Variants in C1orf115 observed in about 807,000 individuals in gnomAD.
C1orf115 encodes the protein required for drug-induced death protein 1.
C1orf115 carries 14 observed loss-of-function variants against 12.5 expected under a neutral mutation model. The observed-to-expected ratio is 1.12, with a 90% CI of 0.74 to 1.75. The LOEUF is 1.75. Ranked by LOEUF, C1orf115 falls within the 40% of genes most tolerant of loss-of-function variation. The probability of loss-of-function intolerance (pLI) is 0.00; values close to 1 mark genes in which losing one functional copy is unlikely to be tolerated. For synonymous variants in C1orf115, 109 were observed against 104.6 expected (o/e 1.04, Z -0.26); for missense variants, 237 against 220.8 (o/e 1.07, Z -0.46).
rs981527837 is a variant in C1orf115, at chr1:220,698,868, C to A, written c.*2137C>A. The A allele has an allele frequency of 6.6e-6, 1 of 152,122 alleles. No homozygotes were observed. The highest frequency in any genetic ancestry group is 1.5e-5 in the Non-Finnish European group (1 of 68,038). 9.4% of individuals were successfully genotyped at this position (152,122 alleles called of 1,614,324 possible). On this transcript the variant is annotated 3_prime_UTR_variant, in exon 2 of 2. Coordinates refer to ENST00000294889, the MANE Select transcript of C1orf115 (RefSeq NM_024709.5). The stretch of plus-strand genomic sequence containing the variant: ...GGGGTTGTCCTGGGAGTCAGGTTCA[C>A]GGGTACAGAAGATGAATCTCAGATG...
Position 220,690,539 on chromosome 1 carries a change from A to C in C1orf115, c.137A>C (p.Glu46Ala), listed in dbSNP as rs1670082105. 9.7e-6 allele frequency: 14 copies of C among 1,447,650 alleles called. No individual in the cohort carries two copies. The highest frequency in any genetic ancestry group is 3.0e-5 in the Admixed American group (1 of 33,236). 89.7% of individuals were successfully genotyped at this position (1,447,650 alleles called of 1,614,324 possible). A position where few individuals can be genotyped will look rare whatever the true frequency, so the allele number is the denominator to read the frequency against. ...LEHLEYADEA[E>A]AAAESGTSAA... is the part of the protein sequence containing the mutation. Reference sequence around the variant, plus strand: ...CACCTGGAGTACGCGGACGAGGCGGAGGCGGCGGCCGAGAGCGGGACGAGC... The same window carrying C: ...CACCTGGAGTACGCGGACGAGGCGGCGGCGGCGGCCGAGAGCGGGACGAGC... The change falls in exon 1 of 2, where the codon GAG (glutamate) becomes GCG (alanine). Residue 46 changes from glutamate (E) to alanine (A), a missense_variant. Coordinates refer to ENST00000294889, the MANE Select transcript of C1orf115 (RefSeq NM_024709.5).
Position 220,690,570 on chromosome 1 carries a change from G to A in C1orf115, c.168G>A (p.Ala56=), listed in dbSNP as rs750453432. Residue 56 remains alanine (A), a synonymous_variant, in exon 1 of 2, where the codon GCG becomes GCA. Coordinates refer to ENST00000294889, the MANE Select transcript of C1orf115 (RefSeq NM_024709.5). The part of the protein sequence containing the change: ...EAAAESGTSA[A]DERGPGTRGA... ...CGGCCGAGAGCGGGACGAGCGCGGC[G>A]GACGAGCGGGGCCCGGGGACCCGGG... 14 of 1,487,666 alleles carry A rather than the reference G, an allele frequency of 9.4e-6. No individual in the cohort carries two copies. Among genetic ancestry groups the A allele is most frequent in the Non-Finnish European group, 1.2e-5 (14 of 1,123,070 alleles). 92.2% of individuals were successfully genotyped at this position (1,487,666 alleles called of 1,614,324 possible). A position where few individuals can be genotyped will look rare whatever the true frequency, so the allele number is the denominator to read the frequency against.
intron 1 of C1orf115, among the ~76,000 whole-genome samples, chr1:220,691,249 A>G (rs1001941727): frequency 5.9e-5 from 9 of 152,104 alleles, no homozygotes; most frequent in Non-Finnish European, 8.8e-5. Flanking sequence ...TTTCTCGTCT[A>G]GCCAACTATC....
At position 220,690,371 on chromosome 1, in the gene C1orf115, G is replaced by T. The variant is rs1204667252; in HGVS notation, c.-32G>T. The T allele has an allele frequency of 2.0e-5, 27 of 1,376,404 alleles. No homozygotes were observed. The highest frequency in any genetic ancestry group is 2.3e-5 in the Non-Finnish European group (25 of 1,071,972). The allele number at this position is 1,376,404 out of a possible 1,614,324, so 85.3% of individuals were successfully genotyped here. ...GGGGACCAAAGGTTGGTGTCTTTGC[G>T]CTCGGACCTTCGCCAGAGGGGCCGG... On this transcript the variant is annotated 5_prime_UTR_variant, in exon 1 of 2. Transcript: ENST00000294889.
At chr1:220,694,833 A>G (rs759201970) in intron 1 of C1orf115, among the ~76,000 whole-genome samples, 16 of 152,190 alleles carry the variant, frequency 1.1e-4, no homozygotes, top group Admixed American at 3.9e-4. Context: ...AGACCATCTA[A>G]GGAGAGACTG....
Position 220,697,239 on chromosome 1 carries a change from A to G in C1orf115, c.*508A>G, listed in dbSNP as rs1670208761. The G allele has an allele frequency of 6.6e-6, 1 of 152,020 alleles. No individual in the cohort carries two copies. The highest frequency in any genetic ancestry group is 2.4e-5 in the African/African-American group (1 of 41,312). The allele number at this position is 152,020 out of a possible 1,614,324, so 9.4% of individuals were successfully genotyped here. A position where few individuals can be genotyped will look rare whatever the true frequency, so the allele number is the denominator to read the frequency against. ...TTTATTCCTCAAGTCATGCTCCCCG[A>G]TCTCCTTCCTCTACCACTCTGTCAC... On this transcript the variant is annotated 3_prime_UTR_variant, in exon 2 of 2. Coordinates refer to ENST00000294889, the MANE Select transcript of C1orf115 (RefSeq NM_024709.5). The surrounding 1 kb of genome is among the most constrained non-coding windows in gnomAD (Gnocchi z 4.5).
At chr1:220,696,534 T>C (rs1299380873) in intron 1 of C1orf115, 78 bp from the exon 2 acceptor site, 3 of 1,463,676 alleles carry the variant, frequency 2.0e-6, no homozygotes, top group Non-Finnish European at 2.8e-6. Context: ...CGTGACTCAT[T>C]TTTTTTCATG....
At position 220,698,378 on chromosome 1, in the gene C1orf115, G is replaced by A. The variant is rs186575018; in HGVS notation, c.*1647G>A. On this transcript the variant is annotated 3_prime_UTR_variant, in exon 2 of 2. Transcript: ENST00000294889. Reference sequence around the variant, plus strand: ...CTTCCTGAAGCTTCAACTTCATGTCGAAGATTCACTGGGACCCAATTCCTG... The same window carrying A: ...CTTCCTGAAGCTTCAACTTCATGTCAAAGATTCACTGGGACCCAATTCCTG... 63 of 152,340 alleles carry A rather than the reference G, an allele frequency of 4.1e-4. 1 individual carries two copies. Among genetic ancestry groups the A allele is most frequent in the Admixed American group, 3.2e-3 (49 of 15,306 alleles). The allele number at this position is 152,340 out of a possible 1,614,324, so 9.4% of individuals were successfully genotyped here. A position where few individuals can be genotyped will look rare whatever the true frequency, so the allele number is the denominator to read the frequency against.
chr1:220,690,627 C>T lies in C1orf115; in HGVS notation c.225C>T (p.Pro75=), dbSNP rs760647085. The part of the protein sequence containing the change: ...GARRVHFALL[P]ERYEPLEEPA... ...GGAGGGTGCACTTCGCCCTCCTGCCCGAGCGCTACGAGCCACTGGAGGAGC... is the reference window on the plus strand; with the variant it reads ...GGAGGGTGCACTTCGCCCTCCTGCCTGAGCGCTACGAGCCACTGGAGGAGC... The change falls in exon 1 of 2, where the codon CCC becomes CCT. Residue 75 remains proline, a synonymous_variant. Coordinates refer to ENST00000294889, the MANE Select transcript of C1orf115 (RefSeq NM_024709.5). 5 of 1,556,866 alleles carry T rather than the reference C, an allele frequency of 3.2e-6. No individual in the cohort carries two copies. Among genetic ancestry groups the T allele is most frequent in the Non-Finnish European group, 4.3e-6 (5 of 1,154,818 alleles).
rs748100113 is a variant in C1orf115 at position 220,690,591 on chromosome 1, C to T, written c.189C>T (p.Thr63=). ...CGGCGGACGAGCGGGGCCCGGGGAC[C>T]CGGGGCGCGCGGAGGGTGCACTTCG... The part of the protein sequence containing the change: ...TSAADERGPG[T]RGARRVHFAL... The change falls in exon 1 of 2, where the codon ACC becomes ACT. Residue 63 remains threonine (T), a synonymous_variant. Transcript: ENST00000294889. 6.6e-7 allele frequency: 1 copy of T among 1,515,376 alleles called. No homozygotes were observed. The allele number at this position is 1,515,376 out of a possible 1,614,324, so 93.9% of individuals were successfully genotyped here.
At position 220,690,392 on chromosome 1, in the gene C1orf115, G is replaced by C; in HGVS notation, c.-11G>C. On this transcript the variant is annotated 5_prime_UTR_variant, in exon 1 of 2. Transcript: ENST00000294889. Reference sequence around the variant, plus strand: ...TTGCGCTCGGACCTTCGCCAGAGGGGCCGGGACATCATGACGGTGGGAGCC... The same window carrying C: ...TTGCGCTCGGACCTTCGCCAGAGGGCCCGGGACATCATGACGGTGGGAGCC... 1 of 1,411,446 alleles carries C rather than the reference G, an allele frequency of 7.1e-7. No individual in the cohort carries two copies. Among genetic ancestry groups the C allele is most frequent in the African/African-American group, 1.5e-5 (1 of 66,196 alleles). The allele number at this position is 1,411,446 out of a possible 1,614,324, so 87.4% of individuals were successfully genotyped here.
chr1:220,697,000 A>G lies in C1orf115; in HGVS notation c.*269A>G, dbSNP rs1273814037. On this transcript the variant is annotated 3_prime_UTR_variant, in exon 2 of 2. Transcript: ENST00000294889. ...TTTGGGAGTGGAGCTAGCGTGCTAA[A>G]GCCAGAGCCTTCACGTGAAGGTGGC... 3.3e-6 allele frequency: 1 copy of G among 304,956 alleles called. No individual in the cohort carries two copies. Among genetic ancestry groups the G allele is most frequent in the Non-Finnish European group, 5.9e-6 (1 of 168,078 alleles). The allele number at this position is 304,956 out of a possible 1,614,324, so 18.9% of individuals were successfully genotyped here.
chr1:220,692,392 A>G (rs1670125546), intron 1 of C1orf115, among the ~76,000 whole-genome samples: 1 of 152,234 alleles, frequency 6.6e-6, no homozygotes, highest in Admixed American at 6.5e-5. Flanking sequence ...AAACAACCCA[A>G]ATGTCCCTAA....
intron 1 of C1orf115, among the ~76,000 whole-genome samples, chr1:220,693,395 A>C (rs1359960785): frequency 6.6e-6 from 1 of 152,206 alleles, no homozygotes. Context: ...GGCGATTGTC[A>C]TTCTGATCTT....
intron 1 of C1orf115, among the ~76,000 whole-genome samples, chr1:220,693,828 C>A (rs1670147815): frequency 6.6e-6 from 1 of 152,058 alleles, no homozygotes; most frequent in Non-Finnish European, 1.5e-5. Context: ...CATGTAATCC[C>A]AGCACTTTGG....
At chr1:220,696,519 G>T in intron 1 of C1orf115, 93 bp from the exon 2 acceptor site, 1 of 1,370,998 alleles carries the variant, frequency 7.3e-7, no homozygotes, top group Non-Finnish European at 9.9e-7. Flanking sequence ...CTTTATATAT[G>T]TCGCCGTGAC....
rs1388893796 is a variant in C1orf115 at position 220,690,394 on chromosome 1, C to T, written c.-9C>T. On this transcript the variant is annotated 5_prime_UTR_variant, in exon 1 of 2. Transcript: ENST00000294889. ...GCGCTCGGACCTTCGCCAGAGGGGC[C>T]GGGACATCATGACGGTGGGAGCCAG... The T allele has an allele frequency of 3.5e-6, 5 of 1,412,784 alleles. No individual in the cohort carries two copies. The East Asian group carries it at 1.2e-4, about 34-fold the overall frequency. The allele number at this position is 1,412,784 out of a possible 1,614,324, so 87.5% of individuals were successfully genotyped here.
At position 220,697,308 on chromosome 1, in the gene C1orf115, A is replaced by G. The variant is rs1049548028; in HGVS notation, c.*577A>G. On this transcript the variant is annotated 3_prime_UTR_variant, in exon 2 of 2. Coordinates refer to ENST00000294889, the MANE Select transcript of C1orf115 (RefSeq NM_024709.5). This position sits in a 1 kb window ranked among gnomAD's most constrained non-coding sequence, Gnocchi z 4.5. ...CTTGAGGAGAAGAAAGGAAGAAAAG[A>G]TATCTTGATGCTTTGAAAACTGTGT... The G allele has an allele frequency of 6.6e-6, 1 of 152,184 alleles. No individual in the cohort carries two copies. The highest frequency in any genetic ancestry group is 1.5e-5 in the Non-Finnish European group (1 of 68,094). The allele number at this position is 152,184 out of a possible 1,614,324, so 9.4% of individuals were successfully genotyped here. A position where few individuals can be genotyped will look rare whatever the true frequency, so the allele number is the denominator to read the frequency against.
rs1572270649 is a variant in C1orf115, at chr1:220,699,142, C to T, written c.*2411C>T. 1 of 152,186 alleles carries T rather than the reference C, an allele frequency of 6.6e-6. No homozygotes were observed. The highest frequency in any genetic ancestry group is 6.5e-5 in the Admixed American group (1 of 15,270). 9.4% of individuals were successfully genotyped at this position (152,186 alleles called of 1,614,324 possible). On this transcript the variant is annotated 3_prime_UTR_variant, in exon 2 of 2. Coordinates refer to ENST00000294889, the MANE Select transcript of C1orf115 (RefSeq NM_024709.5). ...TGTCCTATGATGTAAATAAAAGCCT[C>T]GATTTATGTAATGTTTCTGGTGTGA...
Sources: gnomAD v4.1 joint callset for allele counts (sites outside exome capture counted in the v4.1 genomes callset) on GRCh38, gnomAD v4.1.1 for gene constraint, Gnocchi (gnomAD v3.1) non-coding constraint, MANE v1.5 for transcripts, NCBI Gene and HGNC (gene_info 2026-07-23, HGNC 2026-07-21) for gene names.